Variants in CSMD1 observed in about 807,000 individuals in gnomAD.
The protein encoded by CSMD1 is CUB and sushi domain-containing protein 1.
Under a neutral mutation model 417.5 loss-of-function variants are expected in CSMD1, and 213 were observed. The ratio of observed to expected loss-of-function variants is 0.51; its 90% CI spans 0.46 to 0.57. CSMD1 has a LOEUF of 0.57. Ranked by LOEUF, CSMD1 falls within the 20% of genes least tolerant of loss-of-function variation. CSMD1 has a pLI of 0.00. For synonymous variants in CSMD1, 2,862 were observed against 1,736.8 expected, an observed-to-expected ratio of 1.65 and a Z score of -16.11; for missense variants, 6,923 against 4,529.7, an observed-to-expected ratio of 1.53 and a Z score of -15.17.
rs141952384 is a variant in CSMD1 at position 3,666,943 on chromosome 8, G to C, written c.1009+41471C>G. Among the ~76,000 whole-genome samples the C allele has an allele frequency of 9.6e-3, 1,465 of 152,280 alleles. 8 individuals are homozygous for C. Among genetic ancestry groups the C allele is most frequent in the Middle Eastern group, 0.024 (7 of 294 alleles). On this transcript the variant is annotated intron_variant, in intron 7 of 69. Coordinates refer to ENST00000635120, the MANE Select transcript of CSMD1 (RefSeq NM_033225.6). Reference sequence around the variant, plus strand: ...CATGATTTACCAGGTGTAAGAGATAGAGAAATAAAAGCATTGCAGTCTAAT... The same window carrying C: ...CATGATTTACCAGGTGTAAGAGATACAGAAATAAAAGCATTGCAGTCTAAT...
chr8:4,221,411 C>G (rs1283418553), intron 3 of CSMD1, among the ~76,000 whole-genome samples: 4 of 151,274 alleles, frequency 2.6e-5, no homozygotes, highest in Non-Finnish European at 5.9e-5. Context: ...TTGACAGCAG[C>G]AAAACTTGAG....
At chr8:3,457,128 C>A (rs1160539537) in intron 12 of CSMD1, among the ~76,000 whole-genome samples, 1 of 151,576 alleles carries the variant, frequency 6.6e-6, no homozygotes, top group African/African-American at 2.4e-5. Flanking sequence ...CCAGGCCTCT[C>A]CTCCCGTACT....
chr8:3,928,178 A>G (rs1205927290), intron 5 of CSMD1, among the ~76,000 whole-genome samples: 1 of 152,220 alleles, frequency 6.6e-6, no homozygotes, highest in Non-Finnish European at 1.5e-5. Context: ...GCAGCTCAGA[A>G]AAGAACATGA....
chr8:3,820,199 A>T (rs888064465), intron 5 of CSMD1, among the ~76,000 whole-genome samples: 3 of 152,056 alleles, frequency 2.0e-5, no homozygotes, highest in Non-Finnish European at 4.4e-5. Context: ...GCTATATATA[A>T]ACCATGTTTG....
At chr8:4,601,185 C>T (rs1409428192) in intron 2 of CSMD1, among the ~76,000 whole-genome samples, 2 of 152,148 alleles carry the variant, frequency 1.3e-5, no homozygotes, top group Admixed American at 1.3e-4. Context: ...GAACTCCTAA[C>T]CTCAGATGAT....
intron 5 of CSMD1, among the ~76,000 whole-genome samples, chr8:3,836,923 T>A (rs1277722724): frequency 6.6e-6 from 1 of 152,064 alleles, no homozygotes. Flanking sequence ...TTTTCCTAGT[T>A]AAATCTCAAT....
chr8:3,767,351 C>G (rs1162412032), intron 5 of CSMD1, among the ~76,000 whole-genome samples: 3 of 152,252 alleles, frequency 2.0e-5, no homozygotes, highest in East Asian at 1.9e-4. Context: ...GGTCCAAACA[C>G]AACCATGTCC....
chr8:3,682,085 AC>A (rs1365502220), intron 7 of CSMD1, among the ~76,000 whole-genome samples: 1 of 152,130 alleles, frequency 6.6e-6, no homozygotes. Flanking sequence ...AATCGTAAAA[AC>A]CCTAGAAGAA....
chr8:4,418,586 T>C (rs1322288762), intron 3 of CSMD1, among the ~76,000 whole-genome samples: 1 of 152,196 alleles, frequency 6.6e-6, no homozygotes, highest in African/African-American at 2.4e-5. Flanking sequence ...TATTGTATGT[T>C]AACAGGACAA....
At position 4,477,428 on chromosome 8, in the gene CSMD1, C is replaced by A. The variant is rs562077402; in HGVS notation, c.303-57363G>T. The stretch of plus-strand genomic sequence containing the variant: ...CTTGGTGCTGAGCAAAATTGGGGGG[C>A]TCAGAAACTGAGTCTGGTAAAACAC... On this transcript the variant is annotated intron_variant, in intron 2 of 69. Transcript: ENST00000635120. 3.9e-5 allele frequency among the ~76,000 whole-genome samples: 6 copies of A among 152,294 alleles called. No individual in the cohort carries two copies. The East Asian group carries it at 7.7e-4, about 20-fold the overall frequency.
At chr8:3,681,756 A>C (rs1799675359) in intron 7 of CSMD1, among the ~76,000 whole-genome samples, 1 of 152,180 alleles carries the variant, frequency 6.6e-6, no homozygotes, top group Non-Finnish European at 1.5e-5. Context: ...CAAAAGAACA[A>C]AGCTGGAGGC....
intron 52 of CSMD1, among the ~76,000 whole-genome samples, chr8:3,005,904 G>T (rs1362793573): frequency 6.6e-6 from 1 of 152,012 alleles, no homozygotes; most frequent in African/African-American, 2.4e-5. Flanking sequence ...TCAACATAGT[G>T]TCGGAAGTTC....
At chr8:4,577,849 C>T (rs1277914633) in intron 2 of CSMD1, among the ~76,000 whole-genome samples, 3 of 152,160 alleles carry the variant, frequency 2.0e-5, no homozygotes, top group Non-Finnish European at 4.4e-5. Context: ...TGGCACATAG[C>T]AGACCTCAAG....
At chr8:4,381,617 C>T (rs928643998) in intron 3 of CSMD1, among the ~76,000 whole-genome samples, 5 of 152,136 alleles carry the variant, frequency 3.3e-5, no homozygotes, top group Admixed American at 6.5e-5. Context: ...CCTGAACACC[C>T]ACTGATCCCT....
intron 23 of CSMD1, among the ~76,000 whole-genome samples, chr8:3,326,387 G>A (rs1236902624): frequency 6.6e-6 from 1 of 152,182 alleles, no homozygotes; most frequent in African/African-American, 2.4e-5. Flanking sequence ...AATGGATGAA[G>A]ATTTATGTCC....
intron 25 of CSMD1, among the ~76,000 whole-genome samples, chr8:3,290,044 T>C (rs181017415): frequency 0.029 from 4,221 of 147,076 alleles, 796 homozygotes; most frequent in African/African-American, 0.1. Flanking sequence ...TTTCTACATA[T>C]GGCTAGCCAG....
intron 26 of CSMD1, among the ~76,000 whole-genome samples, chr8:3,240,830 G>A (rs1333838165): frequency 6.6e-6 from 1 of 152,110 alleles, no homozygotes. Context: ...AACCTGTAAG[G>A]CTTGTCTGGT....
At chr8:3,719,137 C>G (rs1310542142) in intron 6 of CSMD1, among the ~76,000 whole-genome samples, 2 of 152,142 alleles carry the variant, frequency 1.3e-5, no homozygotes, top group African/African-American at 4.8e-5. Context: ...GTTCTATTAA[C>G]TCGTTCTTCT....
At chr8:4,108,518 A>G (rs955648406) in intron 3 of CSMD1, among the ~76,000 whole-genome samples, 1 of 152,198 alleles carries the variant, frequency 6.6e-6, no homozygotes, top group Admixed American at 6.5e-5. Context: ...TTTTAATTTG[A>G]TAATTTATTT....
Sources: gnomAD v4.1 joint callset for allele counts (sites outside exome capture counted in the v4.1 genomes callset) on GRCh38, gnomAD v4.1.1 for gene constraint, MANE v1.5 for transcripts, NCBI Gene and HGNC (gene_info 2026-07-23, HGNC 2026-07-21) for gene names.